Variants in THOC2 observed in about 807,000 individuals in gnomAD.
THOC2 encodes THO complex 2.
In THOC2, 10 loss-of-function variants were observed where a neutral mutation model predicts 128.4. The observed-to-expected ratio is 0.08, with a 90% confidence interval of 0.05 to 0.13. The LOEUF (loss-of-function observed/expected upper bound fraction) is 0.13, where lower values mean the gene tolerates loss of function less well. Ranked by LOEUF, THOC2 falls within the 10% of genes least tolerant of loss-of-function variation. The pLI, the probability that THOC2 is intolerant of heterozygous loss-of-function variation, is 1.00. For missense variants in THOC2, 535 were observed against 1,155.7 expected (o/e 0.46, Z 7.79); for synonymous variants, 393 against 396.9 (o/e 0.99, Z 0.12).
Position 123,733,033 on chromosome X carries a change from C to T in THOC2, c.-11G>A. 1 of 1,209,716 alleles carries T rather than the reference C, an allele frequency of 8.3e-7. No individual in the cohort carries two copies. The highest frequency in any genetic ancestry group is 1.1e-6 in the Non-Finnish European group (1 of 893,452). Reference sequence around the variant, plus strand: ...AGCCGCGGCCGCCATCTTCCTCTCACTAGTAGCAGAAGCCCGGATGTGTAG... The same window carrying T: ...AGCCGCGGCCGCCATCTTCCTCTCATTAGTAGCAGAAGCCCGGATGTGTAG... On this transcript the variant is annotated 5_prime_UTR_variant, in exon 1 of 39. It adds an upstream start codon to the 5' untranslated region. Transcript: ENST00000245838.
intron 13 of THOC2, 79 bp downstream of exon 13, chrX:123,645,255 G>T: frequency 1.4e-6 from 1 of 703,785 alleles, no homozygotes; most frequent in Non-Finnish European, 2.1e-6. Flanking sequence ...GATGATTAAA[G>T]CTTGTTCACA....
intron 12 of THOC2, among the ~76,000 whole-genome samples, chrX:123,663,529 T>A (rs2048921964): frequency 1.2e-5 from 1 of 82,070 alleles, no homozygotes. Flanking sequence ...ACCTCAAAGC[T>A]GATTTTTTTA....
At position 123,627,667 on chromosome X, in the gene THOC2, C is replaced by G. The variant is rs770242754; in HGVS notation, c.2757+26G>C. The G allele has an allele frequency of 2.5e-6, 3 of 1,198,595 alleles. No homozygotes were observed. In the African/African-American group the frequency reaches 5.3e-5, roughly 21 times the overall value. On this transcript the variant is annotated intron_variant, in intron 23 of 38. Transcript: ENST00000245838. ...CATTGAATACCATAAAGTTATTGCA[C>G]TTGAACTACTAGAACAAAAACCTAC...
chrX:123,636,211 A>G (rs2147658903), intron 18 of THOC2, 36 bp from the exon 19 acceptor site: 1 of 1,054,329 alleles, frequency 9.5e-7, no homozygotes, highest in East Asian at 3.0e-5. Flanking sequence ...AACAACTCAT[A>G]AAACAAAATG....
chrX:123,666,147 A>G (rs923290246), intron 11 of THOC2, among the ~76,000 whole-genome samples: 36 of 112,097 alleles, frequency 3.2e-4, no homozygotes, highest in Non-Finnish European at 5.6e-4. Context: ...AACACACACC[A>G]TCTGAATCTG....
intron 12 of THOC2, among the ~76,000 whole-genome samples, chrX:123,650,872 C>A (rs2048325786): frequency 9.0e-6 from 1 of 111,614 alleles, no homozygotes; most frequent in Non-Finnish European, 1.9e-5. Context: ...GACTTTAACA[C>A]CCCACTGTCA....
At chrX:123,699,104 A>G (rs2050579690) in intron 4 of THOC2, among the ~76,000 whole-genome samples, 1 of 111,546 alleles carries the variant, frequency 9.0e-6, no homozygotes, top group South Asian at 3.8e-4. Flanking sequence ...GATTACAAAC[A>G]AGGCTGATCT....
At chrX:123,641,922 A>C (rs2047928804) in intron 15 of THOC2, among the ~76,000 whole-genome samples, 1 of 112,201 alleles carries the variant, frequency 8.9e-6, no homozygotes, top group Non-Finnish European at 1.9e-5. Context: ...ACAGTAACAA[A>C]ATCATATTGT....
At chrX:123,685,926 C>T (rs1297060870) in intron 8 of THOC2, among the ~76,000 whole-genome samples, 3 of 111,521 alleles carry the variant, frequency 2.7e-5, no homozygotes, top group Non-Finnish European at 3.8e-5. Flanking sequence ...AGCACAGTGG[C>T]ACACGACTGT....
intron 15 of THOC2, among the ~76,000 whole-genome samples, chrX:123,643,776 C>T (rs905314843): frequency 9.1e-6 from 1 of 109,697 alleles, no homozygotes; most frequent in African/African-American, 3.3e-5. Flanking sequence ...CATGCACACA[C>T]CTGTTTTCCC....
At chrX:123,623,001 TA>T in intron 29 of THOC2, 103 bp downstream of exon 29, 1 of 915,780 alleles carries the variant, frequency 1.1e-6, no homozygotes, top group Non-Finnish European at 1.5e-6. Flanking sequence ...ATCTAGGGAA[TA>T]AAAAGTAATA....
chrX:123,690,856 C>G (rs759943138), intron 7 of THOC2, among the ~76,000 whole-genome samples: 29 of 111,573 alleles, frequency 2.6e-4, no homozygotes, highest in Non-Finnish European at 1.9e-4. Context: ...ACACTATTTG[C>G]AAAAAAACTG....
At chrX:123,607,883 G>C (rs1205407664) in intron 38 of THOC2, among the ~76,000 whole-genome samples, 1 of 109,754 alleles carries the variant, frequency 9.1e-6, no homozygotes, top group African/African-American at 3.3e-5. Context: ...CATTCTTAAA[G>C]AAAAGGAAGA....
chrX:123,631,248 G>T (rs2047472671), intron 22 of THOC2, among the ~76,000 whole-genome samples: 1 of 112,209 alleles, frequency 8.9e-6, no homozygotes, highest in South Asian at 3.8e-4. Context: ...TGTGACAACA[G>T]TAAGACGTTA....
At chrX:123,640,694 A>C in intron 15 of THOC2, 72 bp from the exon 16 acceptor site, 1 of 591,493 alleles carries the variant, frequency 1.7e-6, no homozygotes, top group East Asian at 3.7e-5. Context: ...GCTTTGTTAC[A>C]TCATCGTGGG....
At chrX:123,718,716 G>C (rs907864394) in intron 1 of THOC2, among the ~76,000 whole-genome samples, 1 of 108,886 alleles carries the variant, frequency 9.2e-6, no homozygotes, top group Non-Finnish European at 1.9e-5. Flanking sequence ...CCAAGATCGC[G>C]GCACTGCACT....
intron 17 of THOC2, among the ~76,000 whole-genome samples, 182 bp downstream of exon 17, chrX:123,638,748 ACACT>A (rs1213836529): frequency 5.8e-5 from 6 of 103,684 alleles, no homozygotes; most frequent in African/African-American, 1.9e-4. Context: ...ACACACACAC[ACACT>A]CTCTCTCTCT....
rs150243824 is a variant in THOC2, at chrX:123,672,992, A to G, written c.769-1231T>C. Among the ~76,000 whole-genome samples the G allele has an allele frequency of 2.3e-3, 258 of 112,490 alleles. 2 individuals carry two copies. The highest frequency in any genetic ancestry group is 8.1e-3 in the African/African-American group (250 of 30,987). On this transcript the variant is annotated intron_variant, in intron 8 of 38. Transcript: ENST00000245838. ...TTTATAGAAGGCATTGTTTCACTCT[A>G]TTTTTTAAAAACAGATGAGATGTCT...
intron 12 of THOC2, among the ~76,000 whole-genome samples, chrX:123,655,897 T>C (rs1215713736): frequency 9.1e-6 from 1 of 110,280 alleles, no homozygotes; most frequent in African/African-American, 3.3e-5. Flanking sequence ...CCTAACACAA[T>C]AAATAAAATA....
Sources: allele counts gnomAD v4.1 joint callset (sites outside exome capture counted in the v4.1 genomes callset), GRCh38; gene constraint gnomAD v4.1.1; transcripts MANE v1.5; gene names NCBI Gene and HGNC (gene_info 2026-07-23, HGNC 2026-07-21).